CNTN6: variants seen among roughly 807,000 people sequenced by gnomAD.
CNTN6 encodes contactin 6, also known as contactin-6.
In CNTN6, 137 loss-of-function variants were observed where a neutral mutation model predicts 122.8. The observed-to-expected ratio is 1.12, with a 90% CI of 0.97 to 1.29. The LOEUF is 1.29. CNTN6 is among the 50% of genes most tolerant of loss of function. The pLI is 0.00. For missense variants in CNTN6, 1,634 were observed against 1,223.4 expected (o/e 1.34, Z -5.01); for synonymous variants, 570 against 426.0 (o/e 1.34, Z -4.16).
intron 20 of CNTN6, among the ~76,000 whole-genome samples, chr3:1,392,062 GT>G (rs1694233186): frequency 6.6e-6 from 1 of 152,064 alleles, no homozygotes; most frequent in African/African-American, 2.4e-5. Flanking sequence ...CTACTTTAAA[GT>G]TCATATGGAA....
chr3:1,165,714 C>G (rs1420008231), intron 2 of CNTN6, among the ~76,000 whole-genome samples: 1 of 152,166 alleles, frequency 6.6e-6, no homozygotes, highest in East Asian at 1.9e-4. Flanking sequence ...ATGTGCATTA[C>G]TATTGTTTCC....
At chr3:1,313,952 G>GAAT (rs1293171321) in intron 7 of CNTN6, among the ~76,000 whole-genome samples, 3 of 151,954 alleles carry the variant, frequency 2.0e-5, no homozygotes, top group African/African-American at 7.2e-5. Context: ...ATCCCACTAT[G>GAAT]AAGGCTCTAT....
At chr3:1,335,628 C>T in intron 11 of CNTN6, among the ~76,000 whole-genome samples, 1 of 152,066 alleles carries the variant, frequency 6.6e-6, no homozygotes, top group East Asian at 1.9e-4. Flanking sequence ...AAATACAATT[C>T]CTGAATTACC....
At chr3:1,155,465 T>C (rs1214478237) in intron 2 of CNTN6, among the ~76,000 whole-genome samples, 1 of 149,928 alleles carries the variant, frequency 6.7e-6, no homozygotes, top group East Asian at 2.0e-4. Context: ...TCACAATATA[T>C]CTTTTGGGCT....
rs1463225396 is a variant in CNTN6, at chr3:1,383,134, G to C, written c.2359G>C (p.Gly787Arg). The change falls in exon 18 of 23, where the codon GGA (glycine) becomes CGA (arginine). Residue 787 changes from glycine to arginine, a missense_variant. By Grantham distance (125) the Gly-to-Arg change is moderately radical. Coordinates refer to ENST00000446702, the MANE Select transcript of CNTN6 (RefSeq NM_001289080.2). ...KVGVYNNEGE[G>R]SLSTVTIVYS... ...GGGTGTGTATAATAATGAAGGAGAA[G>C]GATCCCTGAGTACTGTGACCATTGT... 1.2e-6 allele frequency: 2 copies of C among 1,613,922 alleles called. No individual in the cohort carries two copies. The highest frequency in any genetic ancestry group is 8.5e-7 in the Non-Finnish European group (1 of 1,179,950).
At chr3:1,378,956 A>G (rs1710267187) in intron 17 of CNTN6, among the ~76,000 whole-genome samples, 5 of 152,172 alleles carry the variant, frequency 3.3e-5, no homozygotes, top group South Asian at 4.1e-4. Context: ...AAATGAGTCT[A>G]CAAGAGAATT....
intron 4 of CNTN6, among the ~76,000 whole-genome samples, chr3:1,237,338 C>T (rs1438914215): frequency 1.3e-5 from 2 of 151,768 alleles, no homozygotes; most frequent in African/African-American, 4.8e-5. Context: ...CCATCAAAGA[C>T]AAACAATAAT....
intron 4 of CNTN6, among the ~76,000 whole-genome samples, chr3:1,242,678 C>A (rs947196790): frequency 6.6e-6 from 1 of 152,010 alleles, no homozygotes; most frequent in Admixed American, 6.6e-5. Context: ...GAGAGGAAGA[C>A]GCGAAGGAGG....
chr3:1,204,558 C>G (rs1191725212), intron 2 of CNTN6, among the ~76,000 whole-genome samples: 4 of 131,888 alleles, frequency 3.0e-5, no homozygotes, highest in Admixed American at 2.8e-4. Context: ...TTCTGCTCAC[C>G]TCTCCCTTCT....
intron 8 of CNTN6, among the ~76,000 whole-genome samples, chr3:1,325,352 A>T (rs1481504855): frequency 1.3e-5 from 2 of 151,856 alleles, no homozygotes; most frequent in East Asian, 3.9e-4. Flanking sequence ...TGTTTGATTT[A>T]TGCTTCAAGG....
intron 2 of CNTN6, among the ~76,000 whole-genome samples, chr3:1,177,898 ATTT>A (rs11303380): frequency 7.5e-5 from 10 of 133,424 alleles, no homozygotes; most frequent in Non-Finnish European, 1.3e-4. Flanking sequence ...TGCCCTTTCC[ATTT>A]TTTTTTTTTT....
chr3:1,167,233 CCT>C (rs1328588941), intron 2 of CNTN6, among the ~76,000 whole-genome samples: 2 of 152,070 alleles, frequency 1.3e-5, no homozygotes, highest in African/African-American at 4.8e-5. Flanking sequence ...CTACTGAACC[CCT>C]CTCTGTCTTA....
At chr3:1,264,758 C>T (rs1307656154) in intron 4 of CNTN6, among the ~76,000 whole-genome samples, 3 of 151,916 alleles carry the variant, frequency 2.0e-5, no homozygotes, top group Admixed American at 2.0e-4. Context: ...GTATACAATA[C>T]ATTATTATTT....
chr3:1,095,872 T>A (rs1338274543), intron 1 of CNTN6, among the ~76,000 whole-genome samples: 1 of 152,204 alleles, frequency 6.6e-6, no homozygotes, highest in Non-Finnish European at 1.5e-5. Flanking sequence ...TAAACTTATT[T>A]CAAATTTGTA....
intron 7 of CNTN6, among the ~76,000 whole-genome samples, chr3:1,309,148 G>C (rs942114177): frequency 7.1e-6 from 1 of 141,028 alleles, no homozygotes; most frequent in African/African-American, 3.0e-5. Flanking sequence ...TGATGTGCAG[G>C]TTATCAATTT....
chr3:1,299,772 A>G lies in CNTN6; in HGVS notation c.761+1781A>G, dbSNP rs1466051300. Among the ~76,000 whole-genome samples, 6 of 152,252 alleles carry G rather than the reference A, an allele frequency of 3.9e-5. No individual in the cohort carries two copies. The East Asian group carries it at 9.7e-4, about 24-fold the overall frequency. ...ATCCTGGGAGACAGATTCAATTCCC[A>G]ATTTTCTGAAGAGTTATTTGATTGT... On this transcript the variant is annotated intron_variant, in intron 7 of 22. Coordinates refer to ENST00000446702, the MANE Select transcript of CNTN6 (RefSeq NM_001289080.2).
Position 1,101,994 on chromosome 3 carries a change from A to G in CNTN6, c.-83+8874A>G, listed in dbSNP as rs145570252. On this transcript the variant is annotated intron_variant, in intron 1 of 22. Coordinates refer to ENST00000446702, the MANE Select transcript of CNTN6 (RefSeq NM_001289080.2). ...AGATGATTTCTGCTGAATAAAAGTG[A>G]GAATATTGGATGGGTCCTTTTAAAA... Among the ~76,000 whole-genome samples the G allele has an allele frequency of 7.2e-5, 11 of 152,324 alleles. No individual in the cohort carries two copies. In the East Asian group the frequency reaches 1.9e-3, roughly 27 times the overall value.
chr3:1,103,427 CTG>C (rs1559319090), intron 1 of CNTN6, among the ~76,000 whole-genome samples: 2 of 152,196 alleles, frequency 1.3e-5, no homozygotes, highest in African/African-American at 2.4e-5. Flanking sequence ...TTTGTGCAGA[CTG>C]TGCCTATGCG....
At chr3:1,229,995 T>C (rs571606385) in intron 4 of CNTN6, among the ~76,000 whole-genome samples, 23 of 152,250 alleles carry the variant, frequency 1.5e-4, no homozygotes, top group African/African-American at 5.5e-4. Context: ...ATATTTCTCA[T>C]TGTATCCGGG....
Sources: gnomAD v4.1 joint callset for allele counts (sites outside exome capture counted in the v4.1 genomes callset) on GRCh38, gnomAD v4.1.1 for gene constraint, MANE v1.5 for transcripts, NCBI Gene and HGNC (gene_info 2026-07-23, HGNC 2026-07-21) for gene names.